RFC3: variants seen among roughly 807,000 people sequenced by gnomAD.
RFC3 encodes replication factor C subunit 3, also known as A1 38 kDa subunit.
In RFC3, 41 loss-of-function variants were observed where a neutral mutation model predicts 45.1. That is an observed-to-expected ratio of 0.91 (90% CI 0.71 to 1.18). RFC3 has a LOEUF of 1.18. Ranked by LOEUF, RFC3 falls within the 50% of genes most tolerant of loss-of-function variation. RFC3 has a pLI of 0.00. For synonymous variants in RFC3, 149 were observed against 144.0 expected (o/e 1.03, Z -0.25); for missense variants, 423 against 428.1 (o/e 0.99, Z 0.10).
rs76336833 is a variant in RFC3 at position 33,960,731 on chromosome 13, C to G, written c.880-5356C>G. ...TCTCCCACTGCCTCAATTCACACACCCTTATTTCTCACCTAGGGCACCCCA... is the reference window on the plus strand; with the variant it reads ...TCTCCCACTGCCTCAATTCACACACGCTTATTTCTCACCTAGGGCACCCCA... On this transcript the variant is annotated intron_variant, in intron 8 of 8. Coordinates refer to the RFC3 transcript ENST00000434425. 4.6e-3 allele frequency among the ~76,000 whole-genome samples: 695 copies of G among 152,250 alleles called. 8 individuals are homozygous for G. The highest frequency in any genetic ancestry group is 0.016 in the African/African-American group (660 of 41,554).
At chr13:33,940,799 A>G (rs1045935928) in intron 8 of RFC3, among the ~76,000 whole-genome samples, 1 of 152,122 alleles carries the variant, frequency 6.6e-6, no homozygotes, top group Non-Finnish European at 1.5e-5. Flanking sequence ...GTTTAACCCC[A>G]TTCATCTACA....
intron 7 of RFC3, among the ~76,000 whole-genome samples, chr13:33,833,756 A>G (rs1269907843): frequency 6.6e-6 from 1 of 152,124 alleles, no homozygotes; most frequent in East Asian, 1.9e-4. Context: ...ATCAAGTTTT[A>G]TTCTTGGGAT....
intron 5 of RFC3, among the ~76,000 whole-genome samples, 156 bp from the exon 6 acceptor site, chr13:33,830,563 G>T (rs768350201): frequency 1.3e-5 from 2 of 152,102 alleles, no homozygotes; most frequent in Non-Finnish European, 2.9e-5. Flanking sequence ...ATGCAACATT[G>T]TGTTAGATGC....
At chr13:33,968,450 G>A (rs2083097844), downstream of RFC3, among the ~76,000 whole-genome samples, 1 of 152,182 alleles carries the variant, frequency 6.6e-6, no homozygotes. Context: ...TACAAATGTA[G>A]CTGAGAACAT....
At chr13:33,919,931 C>A (rs1485665958) in intron 8 of RFC3, among the ~76,000 whole-genome samples, 1 of 151,950 alleles carries the variant, frequency 6.6e-6, no homozygotes, top group Non-Finnish European at 1.5e-5. Flanking sequence ...AGAGTCATAA[C>A]CTCATTGGGT....
chr13:33,925,692 C>G (rs566267940), intron 8 of RFC3, among the ~76,000 whole-genome samples: 1 of 148,734 alleles, frequency 6.7e-6, no homozygotes, highest in Non-Finnish European at 1.5e-5. Context: ...TGTATATATA[C>G]ACACACACAC....
intron 8 of RFC3, among the ~76,000 whole-genome samples, chr13:33,876,776 A>T (rs1593658743): frequency 6.6e-6 from 1 of 152,234 alleles, no homozygotes; most frequent in Non-Finnish European, 1.5e-5. Context: ...GCTTTGCAGC[A>T]TTGGGAAGTC....
chr13:33,825,508 A>G (rs1215377798), intron 3 of RFC3, among the ~76,000 whole-genome samples: 1 of 152,150 alleles, frequency 6.6e-6, no homozygotes, highest in Non-Finnish European at 1.5e-5. Context: ...GAAGTGTCAA[A>G]GTATTTGCTA....
At chr13:33,962,817 G>A (rs879500049) in intron 8 of RFC3, among the ~76,000 whole-genome samples, 13 of 152,130 alleles carry the variant, frequency 8.5e-5, no homozygotes, top group Non-Finnish European at 1.8e-4. Context: ...GAGGCTTGGA[G>A]TTAGACTCTT....
intron 8 of RFC3, among the ~76,000 whole-genome samples, chr13:33,952,218 T>A (rs80051054): frequency 0.011 from 1,653 of 152,340 alleles, 15 homozygotes; most frequent in African/African-American, 0.034. Flanking sequence ...CATTAAAATA[T>A]GGTAACCAGC....
chr13:33,867,350 C>T (rs543794784), intron 8 of RFC3, among the ~76,000 whole-genome samples: 4 of 152,286 alleles, frequency 2.6e-5, no homozygotes, highest in African/African-American at 9.6e-5. Context: ...TAATGACCCA[C>T]CTATAAAGCT....
intron 8 of RFC3, 141 bp from the exon 9 acceptor site, chr13:33,835,963 C>A (rs946426582): frequency 2.2e-6 from 2 of 896,164 alleles, no homozygotes; most frequent in Non-Finnish European, 3.2e-6. Context: ...GGATGAAGGT[C>A]GTTGATTCAC....
intron 4 of RFC3, among the ~76,000 whole-genome samples, chr13:33,827,467 A>T (rs962662882): frequency 2.0e-5 from 3 of 152,210 alleles, no homozygotes; most frequent in African/African-American, 7.2e-5. Context: ...TCAATCTGTT[A>T]TTAATATTAT....
intron 8 of RFC3, among the ~76,000 whole-genome samples, chr13:33,904,810 G>A (rs1408802983): frequency 6.6e-6 from 1 of 152,088 alleles, no homozygotes; most frequent in African/African-American, 2.4e-5. Flanking sequence ...AATGGAGGTT[G>A]CACTGAACAC....
chr13:33,949,411 C>T lies in RFC3; in HGVS notation c.880-16676C>T, dbSNP rs932137501. 3.9e-5 allele frequency among the ~76,000 whole-genome samples: 6 copies of T among 152,164 alleles called. No homozygotes were observed. The South Asian group carries it at 6.2e-4, about 16-fold the overall frequency. On this transcript the variant is annotated intron_variant, in intron 8 of 8. Transcript: ENST00000434425. ...AGCAGCCTAAGAACAGACTAATACA[C>T]GTTTTCCAAAATCAGCAATTAGAAA... is the stretch of plus-strand genomic sequence containing the variant.
chr13:33,853,048 C>A (rs1436676743), intron 8 of RFC3, among the ~76,000 whole-genome samples: 2 of 152,178 alleles, frequency 1.3e-5, no homozygotes, highest in Non-Finnish European at 2.9e-5. Flanking sequence ...GCATGTATAA[C>A]AGAGCACTAG....
At position 33,903,403 on chromosome 13, in the gene RFC3, G is replaced by C. The variant is rs1176985737; in HGVS notation, c.880-62684G>C. Among the ~76,000 whole-genome samples, 3 of 152,180 alleles carry C rather than the reference G, an allele frequency of 2.0e-5. No homozygotes were observed. The South Asian group carries it at 6.2e-4, about 32-fold the overall frequency. Reference sequence around the variant, plus strand: ...AAAAATCTCAGAAGCATAGGTCATAGTACAATGTAATATAACTCGTGATAA... The same window carrying C: ...AAAAATCTCAGAAGCATAGGTCATACTACAATGTAATATAACTCGTGATAA... On this transcript the variant is annotated intron_variant, in intron 8 of 8. Coordinates refer to the RFC3 transcript ENST00000434425.
At chr13:33,965,389 A>G (rs1028680083) in intron 8 of RFC3, among the ~76,000 whole-genome samples, 2 of 152,208 alleles carry the variant, frequency 1.3e-5, no homozygotes, top group African/African-American at 4.8e-5. Flanking sequence ...AGTATTCAGT[A>G]CAGTAACATA....
chr13:33,872,802 C>G (rs961748681), intron 8 of RFC3, among the ~76,000 whole-genome samples: 4 of 133,230 alleles, frequency 3.0e-5, no homozygotes, highest in East Asian at 3.0e-4. Flanking sequence ...ACCCCCCCCC[C>G]CAAAATACAT....
Sources: allele counts gnomAD v4.1 joint callset (sites outside exome capture counted in the v4.1 genomes callset), GRCh38; gene constraint gnomAD v4.1.1; transcripts MANE v1.5; gene names NCBI Gene and HGNC (gene_info 2026-07-23, HGNC 2026-07-21).